Variants in TMEM65 observed in about 807,000 individuals in gnomAD.
The protein encoded by TMEM65 is transmembrane protein 65.
A neutral mutation model predicts 25.4 loss-of-function variants in TMEM65; 22 were observed. That is an observed-to-expected ratio of 0.86 (90% CI 0.62 to 1.23). The LOEUF (loss-of-function observed/expected upper bound fraction) is 1.23. Among genes scored for constraint, TMEM65 ranks in the 50% most tolerant of loss-of-function variants. TMEM65 has a pLI of 0.00. For missense variants in TMEM65, 262 were observed against 308.2 expected (o/e 0.85, Z 1.12); for synonymous variants, 132 against 126.2 (o/e 1.05, Z -0.31).
intron 4 of TMEM65, among the ~76,000 whole-genome samples, 177 bp from the exon 5 acceptor site, chr8:124,322,324 T>C (rs993203682): frequency 7.9e-5 from 12 of 152,224 alleles, no homozygotes; most frequent in African/African-American, 2.9e-4. Flanking sequence ...AACACAATTT[T>C]GAAATTATGC....
Position 124,310,801 on chromosome 8 carries a change from A to C in TMEM65, c.*3159T>G, listed in dbSNP as rs1437164183. 6.6e-6 allele frequency: 1 copy of C among 152,108 alleles called. No individual in the cohort carries two copies. Among genetic ancestry groups the C allele is most frequent in the Non-Finnish European group, 1.5e-5 (1 of 68,024 alleles). The allele number at this position is 152,108 out of a possible 1,614,324, so 9.4% of individuals were successfully genotyped here. On this transcript the variant is annotated 3_prime_UTR_variant, in exon 7 of 7. Transcript: ENST00000297632. ...AGTCCAGACAACTGAGAAAAAAAGC[A>C]GATTAGAGAGATAAAAGTTGCCAGA...
intron 1 of TMEM65, among the ~76,000 whole-genome samples, chr8:124,353,545 T>G (rs77496521): frequency 3.9e-5 from 6 of 152,268 alleles, no homozygotes; most frequent in African/African-American, 1.2e-4. Context: ...CTAATAGTTA[T>G]GAGCACACCT....
At chr8:124,331,858 A>G (rs1814436404) in intron 1 of TMEM65, among the ~76,000 whole-genome samples, 1 of 152,090 alleles carries the variant, frequency 6.6e-6, no homozygotes, top group Admixed American at 6.6e-5. Flanking sequence ...TAAGGAATTT[A>G]GTATAAAAAA....
At chr8:124,364,726 TTGTC>T (rs1472835067) in intron 1 of TMEM65, among the ~76,000 whole-genome samples, 1 of 152,218 alleles carries the variant, frequency 6.6e-6, no homozygotes, top group Non-Finnish European at 1.5e-5. Flanking sequence ...TTACCTCTTA[TTGTC>T]TGTCTGAGGT....
At chr8:124,318,870 T>C (rs1255634560) in intron 6 of TMEM65, among the ~76,000 whole-genome samples, 1 of 152,194 alleles carries the variant, frequency 6.6e-6, no homozygotes, top group Non-Finnish European at 1.5e-5. Flanking sequence ...GACTCTCCTA[T>C]TGAATATTGC....
chr8:124,331,920 A>G (rs569768064), intron 1 of TMEM65, among the ~76,000 whole-genome samples: 6 of 152,264 alleles, frequency 3.9e-5, no homozygotes, highest in African/African-American at 1.4e-4. Flanking sequence ...TATGGTCCAC[A>G]TTAGTGACTG....
At chr8:124,349,829 C>T (rs1814683414) in intron 1 of TMEM65, among the ~76,000 whole-genome samples, 1 of 152,028 alleles carries the variant, frequency 6.6e-6, no homozygotes. Flanking sequence ...TCAGCAGCTC[C>T]TGATCTCCTA....
rs1448975183 is a variant in TMEM65, at chr8:124,311,679, G to T, written c.*2281C>A. 1.3e-5 allele frequency: 2 copies of T among 152,168 alleles called. No individual in the cohort carries two copies. The highest frequency in any genetic ancestry group is 4.8e-5 in the African/African-American group (2 of 41,444). The allele number at this position is 152,168 out of a possible 1,614,324, so 9.4% of individuals were successfully genotyped here. On this transcript the variant is annotated 3_prime_UTR_variant, in exon 7 of 7. Transcript: ENST00000297632. The stretch of plus-strand genomic sequence containing the variant: ...TAACATGAAACAATGATCATATGAA[G>T]TCATTATCTTAAAAAGAACCATTCT...
chr8:124,327,488 T>G (rs1314083874), intron 2 of TMEM65, 67 bp from the exon 3 acceptor site: 3 of 1,056,010 alleles, frequency 2.8e-6, no homozygotes, highest in Non-Finnish European at 1.4e-6. Flanking sequence ...CAAAAACAGA[T>G]GATATGATCA....
At chr8:124,359,870 C>A (rs1265929707) in intron 1 of TMEM65, among the ~76,000 whole-genome samples, 1 of 152,122 alleles carries the variant, frequency 6.6e-6, no homozygotes, top group African/African-American at 2.4e-5. Flanking sequence ...AGAAAGCTAT[C>A]CTAGATAAAG....
At chr8:124,331,289 T>A (rs529834504) in intron 1 of TMEM65, among the ~76,000 whole-genome samples, 1 of 146,334 alleles carries the variant, frequency 6.8e-6, no homozygotes, top group Non-Finnish European at 1.5e-5. Context: ...AAACAATGAC[T>A]TCACTGAATT....
intron 4 of TMEM65, 97 bp downstream of exon 4, chr8:124,323,224 T>G (rs1382834092): frequency 1.5e-6 from 1 of 668,332 alleles, no homozygotes; most frequent in African/African-American, 1.9e-5. Flanking sequence ...TCTCAATGAG[T>G]AAACTCATTC....
intron 1 of TMEM65, among the ~76,000 whole-genome samples, chr8:124,347,955 A>T (rs1814658733): frequency 1.4e-5 from 2 of 144,676 alleles, no homozygotes; most frequent in Admixed American, 1.4e-4. Flanking sequence ...CAATGGCGTG[A>T]TCTCGGCTCA....
intron 1 of TMEM65, among the ~76,000 whole-genome samples, chr8:124,342,223 C>T (rs1814590911): frequency 1.3e-5 from 2 of 152,072 alleles, no homozygotes; most frequent in South Asian, 4.1e-4. Flanking sequence ...TGGTTATTTA[C>T]TCTTGTACTT....
Position 124,339,222 on chromosome 8 carries a change from AATATAT to A in TMEM65, c.305-8436_305-8431del, listed in dbSNP as rs1209068044. ...AAAAAAAAAAAAAAAAAAAAAAAAA[AATATAT>A]ATATATATATATATATATATAAAAT... On this transcript the variant is annotated intron_variant, in intron 1 of 6. Transcript: ENST00000297632. 3.5e-4 allele frequency among the ~76,000 whole-genome samples: 7 copies of A among 19,906 alleles called. No homozygotes were observed. The East Asian group carries it at 5.2e-3, about 15-fold the overall frequency. 13.1% of individuals were successfully genotyped at this position (19,906 alleles called of 152,430 possible). A position where few individuals can be genotyped will look rare whatever the true frequency, so the allele number is the denominator to read the frequency against.
At chr8:124,316,495 T>C (rs1461885866) in intron 6 of TMEM65, among the ~76,000 whole-genome samples, 1 of 152,162 alleles carries the variant, frequency 6.6e-6, no homozygotes. Flanking sequence ...CAAAATGTTA[T>C]GTTACAGAGT....
chr8:124,322,933 T>G (rs967284340), intron 4 of TMEM65, among the ~76,000 whole-genome samples: 1 of 151,938 alleles, frequency 6.6e-6, no homozygotes, highest in African/African-American at 2.4e-5. Context: ...AGGTGGAGGT[T>G]GCAGTGAGCT....
At chr8:124,368,619 C>T (rs1475381616) in intron 1 of TMEM65, among the ~76,000 whole-genome samples, 3 of 152,224 alleles carry the variant, frequency 2.0e-5, no homozygotes, top group Non-Finnish European at 4.4e-5. Flanking sequence ...TAGAGGAAAC[C>T]CACTGCCATG....
chr8:124,330,774 G>C lies in TMEM65; in HGVS notation c.323C>G (p.Pro108Arg). Residue 108 changes from proline to arginine, a missense_variant, in exon 2 of 7, where the codon CCA becomes CGA. By Grantham distance (103) the Pro-to-Arg change is moderately radical (BLOSUM62 -2). Coordinates refer to ENST00000297632, the MANE Select transcript of TMEM65 (RefSeq NM_194291.3). ...AIAQEKLEAPPPTPGQLRYVF... is the reference protein window; with the variant it reads ...AIAQEKLEAPRPTPGQLRYVF... ...ATATCTCAGCTGTCCTGGGGTGGGT[G>C]GTGGAGCTTCCAATTTTTCTAAAGG... 6.3e-7 allele frequency: 1 copy of C among 1,581,250 alleles called. No individual in the cohort carries two copies. The highest frequency in any genetic ancestry group is 8.6e-7 in the Non-Finnish European group (1 of 1,167,540).
Sources: gnomAD v4.1 joint callset for allele counts (sites outside exome capture counted in the v4.1 genomes callset) on GRCh38, gnomAD v4.1.1 for gene constraint, MANE v1.5 for transcripts, NCBI Gene and HGNC (gene_info 2026-07-23, HGNC 2026-07-21) for gene names.